CFAP299: variants seen among roughly 807,000 people sequenced by gnomAD.
The protein encoded by CFAP299 is cilia- and flagella-associated protein 299.
Under a neutral mutation model 27.0 loss-of-function variants are expected in CFAP299, and 21 were observed. The observed-to-expected ratio is 0.78, with a 90% CI of 0.55 to 1.12. The LOEUF is 1.12. Among genes scored for constraint, CFAP299 ranks in the 50% most tolerant of loss-of-function variants. The pLI, the probability that CFAP299 is intolerant of heterozygous loss-of-function variation, is 0.00. For missense variants in CFAP299, 310 were observed against 276.6 expected (o/e 1.12, Z -0.86); for synonymous variants, 104 against 98.1 (o/e 1.06, Z -0.36).
rs148142800 is a variant in CFAP299, at chr4:80,945,343, C to G, written c.606+404C>G. ...ATTTGTACCCAGAATTCTAATACCC[C>G]TCTGTGTATGTGACTAACACTAAAA... On this transcript the variant is annotated intron_variant, in intron 5 of 5. Transcript: ENST00000358105. 7.9e-5 allele frequency among the ~76,000 whole-genome samples: 12 copies of G among 152,272 alleles called. No homozygotes were observed. The East Asian group carries it at 2.1e-3, about 27-fold the overall frequency.
At chr4:80,508,545 T>C (rs1458488993) in intron 2 of CFAP299, among the ~76,000 whole-genome samples, 2 of 152,146 alleles carry the variant, frequency 1.3e-5, no homozygotes, top group African/African-American at 4.8e-5. Context: ...TTTTCAGCTG[T>C]AATCAGCCAA....
chr4:80,484,123 T>C (rs993270012), intron 2 of CFAP299, among the ~76,000 whole-genome samples: 10 of 152,136 alleles, frequency 6.6e-5, no homozygotes, highest in African/African-American at 2.4e-4. Context: ...CCTAAAGAGC[T>C]GGTGAAATAA....
intron 3 of CFAP299, among the ~76,000 whole-genome samples, chr4:80,678,506 C>A (rs1719619628): frequency 6.6e-6 from 1 of 151,926 alleles, no homozygotes; most frequent in South Asian, 2.1e-4. Context: ...TAATTATGTG[C>A]TATTATTAAC....
At chr4:80,366,727 A>G (rs1370265042) in intron 2 of CFAP299, among the ~76,000 whole-genome samples, 1 of 152,234 alleles carries the variant, frequency 6.6e-6, no homozygotes, top group Non-Finnish European at 1.5e-5. Context: ...AAGGGAATTG[A>G]AAAACCTAAG....
intron 2 of CFAP299, among the ~76,000 whole-genome samples, chr4:80,574,033 A>G (rs1011165438): frequency 2.6e-5 from 4 of 152,024 alleles, no homozygotes; most frequent in Non-Finnish European, 4.4e-5. Flanking sequence ...CATTGAATCC[A>G]TAGATTTCTT....
chr4:80,581,367 C>A (rs141311335), intron 2 of CFAP299, among the ~76,000 whole-genome samples: 3 of 149,274 alleles, frequency 2.0e-5, no homozygotes, highest in Non-Finnish European at 4.5e-5. Context: ...ATATCTGATT[C>A]TCTCCTTTGG....
chr4:80,620,097 A>G (rs1459739810), intron 3 of CFAP299, among the ~76,000 whole-genome samples: 1 of 152,144 alleles, frequency 6.6e-6, no homozygotes, highest in African/African-American at 2.4e-5. Flanking sequence ...CTTAGACTGA[A>G]TGCTAAATAT....
At chr4:80,883,647 G>C (rs1247626950) in intron 4 of CFAP299, among the ~76,000 whole-genome samples, 1 of 151,958 alleles carries the variant, frequency 6.6e-6, no homozygotes, top group East Asian at 1.9e-4. Context: ...TCTTATATTA[G>C]ACAAAATAGA....
chr4:80,583,890 T>C (rs762470002), intron 3 of CFAP299, among the ~76,000 whole-genome samples: 18 of 152,028 alleles, frequency 1.2e-4, no homozygotes, highest in Admixed American at 4.6e-4. Context: ...AATAGTGTGA[T>C]AAAAAATTTA....
At chr4:80,766,294 C>A (rs182818931) in intron 3 of CFAP299, among the ~76,000 whole-genome samples, 4 of 152,270 alleles carry the variant, frequency 2.6e-5, no homozygotes, top group Admixed American at 2.6e-4. Context: ...AGAGACAATA[C>A]ATTTTACAAT....
intron 4 of CFAP299, among the ~76,000 whole-genome samples, chr4:80,888,703 A>G (rs977940322): frequency 1.3e-5 from 2 of 152,084 alleles, no homozygotes; most frequent in Non-Finnish European, 2.9e-5. Flanking sequence ...ATTCTCAAGA[A>G]TAGACCATAT....
At chr4:80,326,209 G>C in the CFAP299 span, among the ~76,000 whole-genome samples, 1 of 151,980 alleles carries the variant, frequency 6.6e-6, no homozygotes, top group Admixed American at 6.6e-5. Context: ...CTGTATCCTT[G>C]CATTTATTTT....
At chr4:80,404,209 A>G (rs1726301215) in intron 2 of CFAP299, among the ~76,000 whole-genome samples, 1 of 152,022 alleles carries the variant, frequency 6.6e-6, no homozygotes. Flanking sequence ...AGCAATCTAA[A>G]TATATAATAT....
At chr4:80,701,900 G>A (rs986138611) in intron 3 of CFAP299, among the ~76,000 whole-genome samples, 1 of 151,930 alleles carries the variant, frequency 6.6e-6, no homozygotes, top group Non-Finnish European at 1.5e-5. Context: ...CAAATCATGT[G>A]CCAGATACCT....
At chr4:80,690,286 C>G (rs558386826) in intron 3 of CFAP299, among the ~76,000 whole-genome samples, 3,292 of 150,242 alleles carry the variant, frequency 0.022, 83 homozygotes, top group South Asian at 0.061. Flanking sequence ...TGACCACATA[C>G]TTGGAAGTAA....
chr4:80,405,774 T>G, intron 2 of CFAP299, among the ~76,000 whole-genome samples: 1 of 152,132 alleles, frequency 6.6e-6, no homozygotes. Context: ...AATATGAATA[T>G]AAAACTGGGA....
intron 2 of CFAP299, among the ~76,000 whole-genome samples, chr4:80,559,080 CATGTGGT>C (rs1734917875): frequency 1.3e-5 from 2 of 152,232 alleles, no homozygotes; most frequent in Non-Finnish European, 2.9e-5. Flanking sequence ...GTTTCTGCTC[CATGTGGT>C]ATCTGTTAGG....
intron 3 of CFAP299, among the ~76,000 whole-genome samples, chr4:80,619,069 A>G (rs1432948000): frequency 6.6e-6 from 1 of 152,152 alleles, no homozygotes; most frequent in Non-Finnish European, 1.5e-5. Context: ...GCAGTTGAAT[A>G]TTTTATTTTG....
intron 3 of CFAP299, among the ~76,000 whole-genome samples, chr4:80,802,271 A>G (rs1728651071): frequency 6.6e-6 from 1 of 152,106 alleles, no homozygotes; most frequent in Non-Finnish European, 1.5e-5. Context: ...CAGAGGTTTT[A>G]GAATACTTAA....
Sources: gnomAD v4.1 joint callset for allele counts (sites outside exome capture counted in the v4.1 genomes callset) on GRCh38, gnomAD v4.1.1 for gene constraint, MANE v1.5 for transcripts, NCBI Gene and HGNC (gene_info 2026-07-23, HGNC 2026-07-21) for gene names.